The following SLIT1 variants were observed in gnomAD, a reference collection of about 807,000 sequenced individuals.
SLIT1 encodes slit homolog 1 protein.
Under a neutral mutation model 186.1 loss-of-function variants are expected in SLIT1, and 66 were observed. That is an observed-to-expected ratio of 0.35 (90% confidence interval 0.29 to 0.44). SLIT1 has a LOEUF of 0.44. Among genes scored for constraint, SLIT1 ranks in the 20% least tolerant of loss-of-function variants. SLIT1 has a pLI of 1.00. For synonymous variants in SLIT1, 761 were observed against 833.8 expected, an observed-to-expected ratio of 0.91 and a Z score of 1.50; for missense variants, 1,638 against 2,037.4, an observed-to-expected ratio of 0.80 and a Z score of 3.77.
At chr10:97,112,413 A>G (rs1205168501) in intron 4 of SLIT1, among the ~76,000 whole-genome samples, 1 of 152,198 alleles carries the variant, frequency 6.6e-6, no homozygotes, top group Admixed American at 6.5e-5. Flanking sequence ...ACATGAATTC[A>G]GAGCATGCTA....
intron 25 of SLIT1, among the ~76,000 whole-genome samples, chr10:97,026,912 A>G (rs1217827499): frequency 6.6e-6 from 1 of 152,196 alleles, no homozygotes; most frequent in African/African-American, 2.4e-5. Context: ...AGAAGAATAA[A>G]TTGTCTGAAA....
chr10:97,019,067 G>A lies in SLIT1; in HGVS notation c.2787C>T (p.Cys929=). 1 of 1,614,038 alleles carries A rather than the reference G, an allele frequency of 6.2e-7. No individual in the cohort carries two copies. Among genetic ancestry groups the A allele is most frequent in the Non-Finnish European group, 8.5e-7 (1 of 1,179,960 alleles). The part of the protein sequence containing the change: ...TLAVQAKCDL[C]LSSPCQNQGT... ...CCTGGTTCTGGCACGGACTGGACAA[G>A]CAGAGATCACACTTGGCCTGGACAG... Residue 929 remains cysteine (C), a synonymous_variant, in exon 27 of 37, where the codon TGC becomes TGT. Transcript: ENST00000266058.
At chr10:97,062,551 A>C (rs1848902879) in intron 8 of SLIT1, among the ~76,000 whole-genome samples, 1 of 152,252 alleles carries the variant, frequency 6.6e-6, no homozygotes, top group South Asian at 2.1e-4. Context: ...CTCATGTAGG[A>C]TCACAGAAGG....
chr10:97,088,058 C>T (rs1849185878), intron 4 of SLIT1, among the ~76,000 whole-genome samples: 1 of 152,064 alleles, frequency 6.6e-6, no homozygotes, highest in African/African-American at 2.4e-5. Flanking sequence ...TTCTCAAACT[C>T]AGCTGCACAC....
rs1849240319 is a variant in SLIT1 at position 97,092,312 on chromosome 10, C to T, written c.414-26226G>A. Among the ~76,000 whole-genome samples the T allele has an allele frequency of 2.6e-5, 4 of 152,178 alleles. No homozygotes were observed. The South Asian group carries it at 8.3e-4, about 32-fold the overall frequency. ...TTGAGAGACTGTCTCTAGAAGGCTC[C>T]AGTTAGAAGCAAATGAATTAACTGG... On this transcript the variant is annotated intron_variant, in intron 4 of 36. Transcript: ENST00000266058.
intron 1 of SLIT1, among the ~76,000 whole-genome samples, chr10:97,173,791 A>T (rs1169325359): frequency 6.6e-6 from 1 of 152,200 alleles, no homozygotes; most frequent in Non-Finnish European, 1.5e-5. Flanking sequence ...GAAGTCCTGG[A>T]GACCTCAGCC....
intron 4 of SLIT1, among the ~76,000 whole-genome samples, chr10:97,128,575 A>G (rs1325792613): frequency 6.6e-6 from 1 of 152,200 alleles, no homozygotes; most frequent in Non-Finnish European, 1.5e-5. Context: ...CCTGATGCCC[A>G]CAACCTGCAT....
intron 4 of SLIT1, among the ~76,000 whole-genome samples, chr10:97,106,960 T>C (rs2134676018): frequency 6.6e-6 from 1 of 152,372 alleles, no homozygotes; most frequent in Middle Eastern, 3.4e-3. Flanking sequence ...GAGCAGCTGA[T>C]AAATGTCAAG....
At chr10:97,050,203 G>A (rs1420046089) in intron 13 of SLIT1, among the ~76,000 whole-genome samples, 1 of 152,210 alleles carries the variant, frequency 6.6e-6, no homozygotes, top group Non-Finnish European at 1.5e-5. Context: ...AACTCAAAGA[G>A]ACTTGCCCTG....
At chr10:97,171,243 C>A (rs1364247589) in intron 1 of SLIT1, among the ~76,000 whole-genome samples, 2 of 152,106 alleles carry the variant, frequency 1.3e-5, no homozygotes, top group Non-Finnish European at 2.9e-5. Flanking sequence ...ACTGCGCAGA[C>A]AGCAGTAAAG....
intron 4 of SLIT1, among the ~76,000 whole-genome samples, chr10:97,134,157 A>G (rs759802394): frequency 2.0e-5 from 3 of 151,686 alleles, no homozygotes; most frequent in Non-Finnish European, 4.4e-5. Context: ...CCTCTCCCCA[A>G]AGAGGTGTGT....
chr10:97,183,691 G>A (rs543659024), intron 1 of SLIT1, among the ~76,000 whole-genome samples: 1 of 152,184 alleles, frequency 6.6e-6, no homozygotes, highest in East Asian at 1.9e-4. Context: ...TGGTGAGAGA[G>A]TAAAGAGGGA....
intron 4 of SLIT1, among the ~76,000 whole-genome samples, chr10:97,100,004 C>A (rs1371290973): frequency 6.6e-6 from 1 of 152,056 alleles, no homozygotes; most frequent in Non-Finnish European, 1.5e-5. Flanking sequence ...GGCCAGAGAA[C>A]CAATTTTCTC....
chr10:97,017,848 C>CT (rs1177419241), intron 28 of SLIT1, among the ~76,000 whole-genome samples: 12,570 of 134,612 alleles, frequency 0.093, 651 homozygotes, highest in Middle Eastern at 0.18. Context: ...ATTTTCTTTT[C>CT]TTTTTTTTTT....
chr10:97,021,344 G>A lies in SLIT1; in HGVS notation c.2652C>T (p.Gly884=), dbSNP rs1848500611. 3.1e-6 allele frequency: 5 copies of A among 1,614,152 alleles called. No individual in the cohort carries two copies. The South Asian group carries it at 3.3e-5, about 11-fold the overall frequency. The stretch of plus-strand genomic sequence containing the variant: ...AACGAGCAATGCCCGGTTCCTTGTA[G>A]CCAGTCTTCACCCAGCTGGACAGCC... ...LRWLSSWVKT[G]YKEPGIARCA... is the part of the protein sequence containing the mutation. The change falls in exon 26 of 37, where the codon GGC becomes GGT. Residue 884 remains glycine (G), a synonymous_variant. Transcript: ENST00000266058. This position sits in a 1 kb window ranked among gnomAD's most constrained non-coding sequence, Gnocchi z 4.5.
At chr10:97,100,378 C>T (rs1023968042) in intron 4 of SLIT1, among the ~76,000 whole-genome samples, 6 of 152,162 alleles carry the variant, frequency 3.9e-5, no homozygotes, top group African/African-American at 9.7e-5. Flanking sequence ...AATCTCAACA[C>T]TTTGGGAGGC....
chr10:97,040,413 C>T (rs1214813920), intron 20 of SLIT1, among the ~76,000 whole-genome samples: 1 of 152,154 alleles, frequency 6.6e-6, no homozygotes, highest in Non-Finnish European at 1.5e-5. Context: ...ACCATCCCAT[C>T]CCCGGAGTGC....
At chr10:97,113,858 T>C (rs993508983) in intron 4 of SLIT1, among the ~76,000 whole-genome samples, 1 of 152,196 alleles carries the variant, frequency 6.6e-6, no homozygotes, top group Non-Finnish European at 1.5e-5. Flanking sequence ...TCTTTTAAGA[T>C]TTTTAAGGTG....
chr10:97,131,999 G>T (rs1476164888), intron 4 of SLIT1, among the ~76,000 whole-genome samples: 1 of 152,206 alleles, frequency 6.6e-6, no homozygotes, highest in African/African-American at 2.4e-5. Flanking sequence ...GAAATATGTA[G>T]AACTGTTTTT....
Sources: gnomAD v4.1 joint callset for allele counts (sites outside exome capture counted in the v4.1 genomes callset) on GRCh38, gnomAD v4.1.1 for gene constraint, Gnocchi (gnomAD v3.1) non-coding constraint, MANE v1.5 for transcripts, NCBI Gene and HGNC (gene_info 2026-07-23, HGNC 2026-07-21) for gene names.